FRMD4B: variants seen among roughly 807,000 people sequenced by gnomAD.
FRMD4B encodes FERM domain-containing protein 4B.
Under a neutral mutation model 141.5 loss-of-function variants are expected in FRMD4B, and 74 were observed. That is an observed-to-expected ratio of 0.52 (90% confidence interval 0.43 to 0.63). The LOEUF is 0.63. FRMD4B is among the 30% of genes least tolerant of loss of function. The probability of loss-of-function intolerance (pLI) is 0.00; values close to 1 mark genes in which losing one functional copy is unlikely to be tolerated. For synonymous variants in FRMD4B, 506 were observed against 467.9 expected, an observed-to-expected ratio of 1.08 and a Z score of -1.05; for missense variants, 1,366 against 1,253.4, an observed-to-expected ratio of 1.09 and a Z score of -1.36.
chr3:69,298,565 C>T (rs1004410772), intron 4 of FRMD4B, among the ~76,000 whole-genome samples: 1 of 152,244 alleles, frequency 6.6e-6, no homozygotes, highest in Non-Finnish European at 1.5e-5. Context: ...TACTCACCTC[C>T]CTTTTATAGG....
chr3:69,365,908 T>A (rs1047503211), intron 1 of FRMD4B, among the ~76,000 whole-genome samples: 1 of 152,088 alleles, frequency 6.6e-6, no homozygotes, highest in Non-Finnish European at 1.5e-5. Context: ...ATGGTTACTG[T>A]AGCATTGTCT....
At chr3:69,205,545 G>C (rs2093016308) in intron 11 of FRMD4B, among the ~76,000 whole-genome samples, 1 of 152,058 alleles carries the variant, frequency 6.6e-6, no homozygotes, top group Non-Finnish European at 1.5e-5. Context: ...TTCTCAACCT[G>C]TGGTGATTTT....
At chr3:69,375,681 A>C (rs1414237447) in intron 1 of FRMD4B, among the ~76,000 whole-genome samples, 4 of 151,996 alleles carry the variant, frequency 2.6e-5, no homozygotes, top group African/African-American at 9.7e-5. Flanking sequence ...TAAAGCAGCA[A>C]ATTTGTGGCC....
intron 5 of FRMD4B, among the ~76,000 whole-genome samples, chr3:69,280,939 T>C (rs991152985): frequency 2.0e-5 from 3 of 151,800 alleles, no homozygotes; most frequent in African/African-American, 7.3e-5. Flanking sequence ...TCTTCTTCTT[T>C]TTTTTTGTGA....
At chr3:69,253,242 G>A (rs763725380) in intron 5 of FRMD4B, among the ~76,000 whole-genome samples, 3 of 138,560 alleles carry the variant, frequency 2.2e-5, no homozygotes, top group Non-Finnish European at 3.0e-5. Context: ...GGAAGATGAA[G>A]TGTAATGTCC....
In FRMD4B at chr3:69,245,834, G is replaced by GTTTTTTT. The variant is rs1183774603; in HGVS notation, c.581+3385_581+3391dup. Among the ~76,000 whole-genome samples the GTTTTTTT allele has an allele frequency of 1.3e-3, 100 of 78,340 alleles. 5 individuals carry two copies. The highest frequency in any genetic ancestry group is 1.4e-3 in the Non-Finnish European group (60 of 42,130). The allele number at this position is 78,340 out of a possible 152,430, so 51.4% of individuals were successfully genotyped here. On this transcript the variant is annotated intron_variant, in intron 7 of 22. Coordinates refer to ENST00000398540, the MANE Select transcript of FRMD4B (RefSeq NM_015123.3). ...GTCTGCGAACGTGCCAGGCTAATTT[G>GTTTTTTT]TTTTTTTTTTTTTTTTTTTTTTGAG...
chr3:69,512,032 C>T (rs890725057), intron 1 of FRMD4B, among the ~76,000 whole-genome samples: 10 of 152,120 alleles, frequency 6.6e-5, no homozygotes, highest in African/African-American at 1.9e-4. Context: ...CAGAAATTAG[C>T]ATGTCAAAGA....
intron 1 of FRMD4B, among the ~76,000 whole-genome samples, chr3:69,365,300 C>A (rs1227698070): frequency 6.6e-6 from 1 of 152,152 alleles, no homozygotes; most frequent in Non-Finnish European, 1.5e-5. Flanking sequence ...TGTTATCGGG[C>A]AAGAACAACT....
At chr3:69,368,336 C>A (rs1703726543) in intron 1 of FRMD4B, among the ~76,000 whole-genome samples, 2 of 152,196 alleles carry the variant, frequency 1.3e-5, no homozygotes, top group Non-Finnish European at 2.9e-5. Context: ...ATGTGCAAAT[C>A]ACACAAAGGA....
intron 5 of FRMD4B, among the ~76,000 whole-genome samples, chr3:69,266,050 A>C (rs1249223844): frequency 6.6e-6 from 1 of 151,376 alleles, no homozygotes; most frequent in Non-Finnish European, 1.5e-5. Context: ...AAAAAACTTT[A>C]AATTATCCAG....
chr3:69,193,445 T>C (rs1444783435), intron 17 of FRMD4B, among the ~76,000 whole-genome samples: 1 of 152,124 alleles, frequency 6.6e-6, no homozygotes. Flanking sequence ...GAGGTGGAGT[T>C]TGCAGTGAGC....
At chr3:69,248,525 G>A (rs556853257) in intron 7 of FRMD4B, among the ~76,000 whole-genome samples, 2 of 152,202 alleles carry the variant, frequency 1.3e-5, no homozygotes, top group East Asian at 1.9e-4. Context: ...AATAATCTAC[G>A]AGTAACGTCT....
At chr3:69,196,195 T>C in intron 14 of FRMD4B, 60 bp downstream of exon 14, 1 of 1,372,084 alleles carries the variant, frequency 7.3e-7, no homozygotes, top group Non-Finnish European at 9.9e-7. Context: ...AAGTGGTTTA[T>C]GACCGAAAAA....
Position 69,384,170 on chromosome 3 carries a change from AAAG to A in FRMD4B, c.162+1655_162+1657del, listed in dbSNP as rs1164668833. Among the ~76,000 whole-genome samples, 2 of 152,164 alleles carry A rather than the reference AAAG, an allele frequency of 1.3e-5. 1 individual carries two copies. The highest frequency in any genetic ancestry group is 4.8e-5 in the African/African-American group (2 of 41,442). ...GCTCAGTCACCATCCATTTTAGAGA[AAAG>A]AAAAAAATACATATATTTTAGTAGC... On this transcript the variant is annotated intron_variant, in intron 1 of 22. Coordinates refer to ENST00000398540, the MANE Select transcript of FRMD4B (RefSeq NM_015123.3).
intron 5 of FRMD4B, among the ~76,000 whole-genome samples, chr3:69,279,431 C>A (rs2093633512): frequency 1.3e-5 from 2 of 152,108 alleles, no homozygotes; most frequent in African/African-American, 2.4e-5. Flanking sequence ...ATAACACACA[C>A]AAAAATCAGT....
chr3:69,490,063 G>C (rs1314795550), intron 1 of FRMD4B, among the ~76,000 whole-genome samples: 2 of 152,194 alleles, frequency 1.3e-5, no homozygotes, highest in African/African-American at 4.8e-5. Flanking sequence ...TCTAGGGCTG[G>C]GGTAGCTGGG....
At chr3:69,270,313 C>T (rs2093588143) in intron 5 of FRMD4B, among the ~76,000 whole-genome samples, 1 of 152,186 alleles carries the variant, frequency 6.6e-6, no homozygotes, top group Non-Finnish European at 1.5e-5. Flanking sequence ...ATAAAGATAG[C>T]CCTTCAAACC....
chr3:69,260,011 C>T (rs970724500), intron 5 of FRMD4B, among the ~76,000 whole-genome samples: 3 of 152,218 alleles, frequency 2.0e-5, no homozygotes, highest in African/African-American at 7.2e-5. Context: ...ACAAATATCA[C>T]ACTCGTCCTA....
intron 7 of FRMD4B, among the ~76,000 whole-genome samples, chr3:69,230,048 C>T (rs2107780296): frequency 6.6e-6 from 1 of 151,602 alleles, no homozygotes. Context: ...GCAATGTTGG[C>T]TCACTGCAAC....
Sources: allele counts gnomAD v4.1 joint callset (sites outside exome capture counted in the v4.1 genomes callset), GRCh38; gene constraint gnomAD v4.1.1; transcripts MANE v1.5; gene names NCBI Gene and HGNC (gene_info 2026-07-23, HGNC 2026-07-21).